The following GALNT2 variants were observed in gnomAD, a reference collection of about 807,000 sequenced individuals.
The protein encoded by GALNT2 is polypeptide N-acetylgalactosaminyltransferase 2, also known as UDP-GalNAc:polypeptide N-acetylgalactosaminyltransferase 2.
Under a neutral mutation model 81.4 loss-of-function variants are expected in GALNT2, and 31 were observed. The ratio of observed to expected loss-of-function variants is 0.38; its 90% CI spans 0.29 to 0.51. GALNT2 has a LOEUF of 0.51. Among genes scored for constraint, GALNT2 ranks in the 20% least tolerant of loss-of-function variants. The pLI, the probability that GALNT2 is intolerant of heterozygous loss-of-function variation, is 0.87. For synonymous variants in GALNT2, 303 were observed against 287.4 expected, an observed-to-expected ratio of 1.05 and a Z score of -0.55; for missense variants, 629 against 765.7, an observed-to-expected ratio of 0.82 and a Z score of 2.11.
At chr1:230,117,826 T>G (rs996468231) in intron 1 of GALNT2, among the ~76,000 whole-genome samples, 1 of 152,228 alleles carries the variant, frequency 6.6e-6, no homozygotes, top group East Asian at 1.9e-4. Context: ...AGTGATAGAC[T>G]TGCTCGATGT....
At chr1:230,195,582 A>G (rs1663667359) in intron 2 of GALNT2, among the ~76,000 whole-genome samples, 1 of 152,164 alleles carries the variant, frequency 6.6e-6, no homozygotes, top group Non-Finnish European at 1.5e-5. Flanking sequence ...CTTATCTGTA[A>G]GTATGCACAG....
chr1:230,268,017 A>G (rs1666078787), intron 14 of GALNT2, among the ~76,000 whole-genome samples: 1 of 152,114 alleles, frequency 6.6e-6, no homozygotes, highest in South Asian at 2.1e-4. Flanking sequence ...CAGCGTGTTT[A>G]TTTCCATGGT....
chr1:230,263,013 C>G lies in GALNT2; in HGVS notation c.1313+8C>G. ...TGTCTATCCAGAGTTAAGGTAAGTC[C>G]CCAGGGATCTGGGGTTTCACTTTGT... On this transcript the variant is annotated splice_region_variant and intron_variant, in intron 13 of 15. Transcript: ENST00000366672. The G allele has an allele frequency of 6.2e-7, 1 of 1,611,508 alleles. No homozygotes were observed. Among genetic ancestry groups the G allele is most frequent in the Non-Finnish European group, 8.5e-7 (1 of 1,177,702 alleles).
intron 1 of GALNT2, among the ~76,000 whole-genome samples, chr1:230,172,398 T>G (rs1003815475): frequency 1.3e-5 from 2 of 152,232 alleles, no homozygotes; most frequent in Non-Finnish European, 2.9e-5. Flanking sequence ...CCGAAATCTT[T>G]GCAGCCCCAT....
chr1:230,217,745 T>C lies in GALNT2; in HGVS notation c.374+14455T>C, dbSNP rs532632176. On this transcript the variant is annotated intron_variant, in intron 3 of 15. Coordinates refer to ENST00000366672, the MANE Select transcript of GALNT2 (RefSeq NM_004481.5). ...TGGATCTTCCAGAGGGGACAAATGCTGTATCCTCACATGGCAGAAGGCAGA... is the reference window on the plus strand; with the variant it reads ...TGGATCTTCCAGAGGGGACAAATGCCGTATCCTCACATGGCAGAAGGCAGA... 7.2e-5 allele frequency among the ~76,000 whole-genome samples: 11 copies of C among 152,328 alleles called. No homozygotes were observed. The East Asian group carries it at 2.1e-3, about 29-fold the overall frequency.
intron 2 of GALNT2, among the ~76,000 whole-genome samples, chr1:230,178,910 G>A (rs944457093): frequency 1.3e-5 from 2 of 150,466 alleles, no homozygotes; most frequent in South Asian, 2.2e-4. Flanking sequence ...AGAGTCCTCC[G>A]TGCTCTGCCC....
rs1666160409 is a variant in GALNT2 at position 230,271,501 on chromosome 1, G to GT, written c.1441-2942dup. On this transcript the variant is annotated intron_variant, in intron 14 of 15. Transcript: ENST00000366672. This position sits in a 1 kb window ranked among gnomAD's most constrained non-coding sequence, Gnocchi z 4.2. ...CCCAGAGTTAGCACAGACCCCACGG[G>GT]TTATGGGCTTCCTCCCACAAGATGC... is the stretch of plus-strand genomic sequence containing the variant. Among the ~76,000 whole-genome samples the GT allele has an allele frequency of 1.3e-5, 2 of 152,178 alleles. No homozygotes were observed. The highest frequency in any genetic ancestry group is 2.9e-5 in the Non-Finnish European group (2 of 68,038).
chr1:230,080,116 A>T (rs1659681872), intron 1 of GALNT2, among the ~76,000 whole-genome samples: 1 of 152,214 alleles, frequency 6.6e-6, no homozygotes, highest in African/African-American at 2.4e-5. Flanking sequence ...TTTTCTCCCT[A>T]ACTGGCAGTG....
intron 1 of GALNT2, among the ~76,000 whole-genome samples, chr1:230,102,761 T>C (rs1405416679): frequency 6.6e-6 from 1 of 152,000 alleles, no homozygotes; most frequent in Non-Finnish European, 1.5e-5. Context: ...TTCATAGCCA[T>C]TGATGGAAAC....
At chr1:230,239,279 A>G (rs1665125086) in intron 6 of GALNT2, among the ~76,000 whole-genome samples, 1 of 152,240 alleles carries the variant, frequency 6.6e-6, no homozygotes, top group African/African-American at 2.4e-5. Flanking sequence ...CCAAAAGGAC[A>G]GAACTAATAG....
At chr1:230,092,436 C>T (rs773977247) in intron 1 of GALNT2, among the ~76,000 whole-genome samples, 2 of 151,590 alleles carry the variant, frequency 1.3e-5, no homozygotes, top group South Asian at 2.1e-4. Flanking sequence ...CTCTGCCTCC[C>T]GGGTTCAAAT....
rs1002646479 is a variant in GALNT2, at chr1:230,279,163, C to T, written c.1561-140C>T. On this transcript the variant is annotated intron_variant, in intron 15 of 15. Transcript: ENST00000366672. The surrounding 1 kb of genome is among the most constrained non-coding windows in gnomAD (Gnocchi z 4.6). ...TCCTGTGGGGCTGCTGCAAGCTCCTCGGCCGTTCAGATGAGAGGCTGGGAA... is the reference window on the plus strand; with the variant it reads ...TCCTGTGGGGCTGCTGCAAGCTCCTTGGCCGTTCAGATGAGAGGCTGGGAA... 9.2e-6 allele frequency: 8 copies of T among 873,680 alleles called. No individual in the cohort carries two copies. Among genetic ancestry groups the T allele is most frequent in the African/African-American group, 3.5e-5 (2 of 57,642 alleles). 54.1% of individuals were successfully genotyped at this position (873,680 alleles called of 1,614,324 possible). A position where few individuals can be genotyped will look rare whatever the true frequency, so the allele number is the denominator to read the frequency against.
At chr1:230,197,083 G>A (rs1663718327) in intron 2 of GALNT2, among the ~76,000 whole-genome samples, 1 of 151,994 alleles carries the variant, frequency 6.6e-6, no homozygotes, top group African/African-American at 2.4e-5. Context: ...AACACCCCTG[G>A]CTTCAGAGCA....
intron 3 of GALNT2, among the ~76,000 whole-genome samples, chr1:230,225,674 G>GT (rs199933306): frequency 0.065 from 9,172 of 140,996 alleles, 382 homozygotes; most frequent in African/African-American, 0.093. Context: ...AGGAGGCAGA[G>GT]TTTTTTTGTT....
At chr1:230,212,288 C>T (rs1393692169) in intron 3 of GALNT2, among the ~76,000 whole-genome samples, 1 of 152,120 alleles carries the variant, frequency 6.6e-6, no homozygotes, top group East Asian at 1.9e-4. Flanking sequence ...AGGCATGAGT[C>T]TTGGCATGAG....
chr1:230,228,989 C>G (rs1001791920), intron 3 of GALNT2, among the ~76,000 whole-genome samples: 1 of 152,132 alleles, frequency 6.6e-6, no homozygotes, highest in African/African-American at 2.4e-5. Flanking sequence ...GATATATAAC[C>G]TGTTATAACC....
At chr1:230,149,154 T>G (rs933033308) in intron 1 of GALNT2, among the ~76,000 whole-genome samples, 1 of 152,260 alleles carries the variant, frequency 6.6e-6, no homozygotes, top group African/African-American at 2.4e-5. Context: ...GTGCTGAGAT[T>G]ACAGGCGTGA....
intron 3 of GALNT2, among the ~76,000 whole-genome samples, chr1:230,223,473 C>G (rs912585331): frequency 6.7e-6 from 1 of 150,284 alleles, no homozygotes; most frequent in African/African-American, 2.5e-5. Flanking sequence ...TAATTTTATT[C>G]ATTTACTTTT....
At chr1:230,153,437 T>G (rs1366159328) in intron 1 of GALNT2, among the ~76,000 whole-genome samples, 3 of 150,956 alleles carry the variant, frequency 2.0e-5, no homozygotes, top group Non-Finnish European at 2.9e-5. Context: ...CTCTTTGCGT[T>G]TTTAGTTTTA....
Sources: gnomAD v4.1 joint callset for allele counts (sites outside exome capture counted in the v4.1 genomes callset) on GRCh38, gnomAD v4.1.1 for gene constraint, Gnocchi (gnomAD v3.1) non-coding constraint, MANE v1.5 for transcripts, NCBI Gene and HGNC (gene_info 2026-07-23, HGNC 2026-07-21) for gene names.